The following NRG1 variants were observed in gnomAD, a reference collection of about 807,000 sequenced individuals.
NRG1 encodes neuregulin 1, also known as pro-neuregulin-1, membrane-bound isoform.
Under a neutral mutation model 63.8 loss-of-function variants are expected in NRG1, and 18 were observed. The ratio of observed to expected loss-of-function variants is 0.28; its 90% confidence interval spans 0.19 to 0.42. NRG1 has a LOEUF of 0.42. Ranked by LOEUF, NRG1 falls within the 10% of genes least tolerant of loss-of-function variation. NRG1 has a pLI of 1.00. For missense variants in NRG1, 762 were observed against 814.7 expected (o/e 0.94, Z 0.79); for synonymous variants, 302 against 301.3 (o/e 1.00, Z -0.02).
At chr8:31,949,249 T>C (rs1198220526) in intron 1 of NRG1, among the ~76,000 whole-genome samples, 1 of 152,190 alleles carries the variant, frequency 6.6e-6, no homozygotes, top group Non-Finnish European at 1.5e-5. Context: ...AAACTGTGAC[T>C]TAGATGCATT....
At chr8:32,725,140 G>T (rs981111496) in intron 5 of NRG1, among the ~76,000 whole-genome samples, 1 of 151,984 alleles carries the variant, frequency 6.6e-6, no homozygotes, top group Non-Finnish European at 1.5e-5. Flanking sequence ...GTCTACATTT[G>T]GGGGGGAGTT....
chr8:32,281,184 C>CTTTTTTTTTTTGTTTTT (rs534126563), intron 1 of NRG1, among the ~76,000 whole-genome samples: 1 of 94,324 alleles, frequency 1.1e-5, no homozygotes, highest in Admixed American at 1.3e-4. Flanking sequence ...GTAGTTTTTC[C>CTTTTTTTTTTTGTTTTT]TTTTTTTTTT....
chr8:32,338,547 A>C (rs1273068354), intron 1 of NRG1, among the ~76,000 whole-genome samples: 5 of 152,148 alleles, frequency 3.3e-5, no homozygotes, highest in African/African-American at 1.2e-4. Context: ...AGTGAGTCTC[A>C]GTGGGTTGTT....
intron 1 of NRG1, among the ~76,000 whole-genome samples, chr8:31,884,455 G>A (rs1018566026): frequency 3.3e-5 from 5 of 152,024 alleles, no homozygotes; most frequent in Admixed American, 6.6e-5. Flanking sequence ...TCAGAGTAAT[G>A]GCTCCTCCTA....
intron 1 of NRG1, among the ~76,000 whole-genome samples, chr8:31,753,918 T>C (rs561382396): frequency 1.2e-4 from 18 of 152,212 alleles, no homozygotes; most frequent in South Asian, 2.1e-4. Flanking sequence ...GTGTGGAGGA[T>C]TGGAAAGCAC....
chr8:32,525,685 T>C (rs1830764493), intron 1 of NRG1, among the ~76,000 whole-genome samples: 1 of 152,136 alleles, frequency 6.6e-6, no homozygotes. Flanking sequence ...TGGATCTGTG[T>C]ATATACTTTA....
intron 1 of NRG1, among the ~76,000 whole-genome samples, chr8:31,684,898 T>G (rs930535530): frequency 5.3e-5 from 8 of 152,252 alleles, no homozygotes; most frequent in Middle Eastern, 3.4e-3. Flanking sequence ...TGGAATCAAT[T>G]TGAACTTGAT....
chr8:32,624,760 T>G (rs1044248955), intron 5 of NRG1, among the ~76,000 whole-genome samples: 1 of 152,202 alleles, frequency 6.6e-6, no homozygotes, highest in Non-Finnish European at 1.5e-5. Flanking sequence ...GTTACAGTTT[T>G]GAAATTAGAA....
At chr8:32,348,416 C>T (rs974396152) in intron 1 of NRG1, among the ~76,000 whole-genome samples, 1 of 152,154 alleles carries the variant, frequency 6.6e-6, no homozygotes, top group Non-Finnish European at 1.5e-5. Context: ...GATGTTTCTA[C>T]AAACATTTAA....
At chr8:31,653,048 C>T (rs1034496965) in intron 1 of NRG1, among the ~76,000 whole-genome samples, 3 of 132,982 alleles carry the variant, frequency 2.3e-5, no homozygotes, top group African/African-American at 8.3e-5. Context: ...CCCTCCTCTC[C>T]TCTCCTCTTG....
intron 1 of NRG1, among the ~76,000 whole-genome samples, chr8:32,476,917 T>G (rs1278978972): frequency 6.6e-6 from 1 of 152,190 alleles, no homozygotes; most frequent in Non-Finnish European, 1.5e-5. Flanking sequence ...CTATCTTTTG[T>G]TATTTGGGAA....
At chr8:32,620,479 C>T (rs890738151) in intron 5 of NRG1, among the ~76,000 whole-genome samples, 5 of 148,912 alleles carry the variant, frequency 3.4e-5, no homozygotes, top group African/African-American at 9.9e-5. Context: ...TCACAGCCCC[C>T]AAAGTTCCCT....
chr8:31,934,430 T>TC (rs1835128971), intron 1 of NRG1, among the ~76,000 whole-genome samples: 2 of 146,946 alleles, frequency 1.4e-5, no homozygotes, highest in South Asian at 4.4e-4. Context: ...CTTTTTTTTT[T>TC]TTTTTTTTTT....
rs534490868 is a variant in NRG1, at chr8:31,761,923, A to C, written c.37+122492A>C. ...TACAGTATCTTTCAAGTACAATAAAATGAGGTAGCTTCTATGTCCTTGTAT... is the reference window on the plus strand; with the variant it reads ...TACAGTATCTTTCAAGTACAATAAACTGAGGTAGCTTCTATGTCCTTGTAT... On this transcript the variant is annotated intron_variant, in intron 1 of 10. Coordinates refer to the NRG1 transcript ENST00000519301. Among the ~76,000 whole-genome samples the C allele has an allele frequency of 6.6e-5, 10 of 152,280 alleles. No individual in the cohort carries two copies. In the South Asian group the frequency reaches 1.9e-3, roughly 28 times the overall value.
At chr8:32,092,521 C>T (rs538761826) in intron 1 of NRG1, among the ~76,000 whole-genome samples, 1 of 150,264 alleles carries the variant, frequency 6.7e-6, no homozygotes, top group Non-Finnish European at 1.5e-5. Flanking sequence ...TGATAGGAAG[C>T]TTAGTGAAGA....
At chr8:32,180,188 T>C (rs530673197) in intron 1 of NRG1, among the ~76,000 whole-genome samples, 1 of 152,312 alleles carries the variant, frequency 6.6e-6, no homozygotes, top group African/African-American at 2.4e-5. Flanking sequence ...TTTCTGCAAT[T>C]CTCCCTAAAA....
At chr8:32,144,730 G>C (rs931057191) in intron 1 of NRG1, among the ~76,000 whole-genome samples, 1 of 151,982 alleles carries the variant, frequency 6.6e-6, no homozygotes, top group Admixed American at 6.6e-5. Context: ...GGAGATGCTC[G>C]CTTAAACAAG....
At chr8:31,647,265 A>G (rs988571072) in intron 1 of NRG1, among the ~76,000 whole-genome samples, 1 of 152,246 alleles carries the variant, frequency 6.6e-6, no homozygotes, top group African/African-American at 2.4e-5. Flanking sequence ...AAGAAGTAAT[A>G]CAAAGAGGTT....
intron 1 of NRG1, among the ~76,000 whole-genome samples, chr8:32,400,259 G>T (rs1189167958): frequency 6.6e-6 from 1 of 152,142 alleles, no homozygotes. Context: ...CAATGTGGGT[G>T]AATCACTTGA....
Sources: gnomAD v4.1 joint callset for allele counts (sites outside exome capture counted in the v4.1 genomes callset) on GRCh38, gnomAD v4.1.1 for gene constraint, MANE v1.5 for transcripts, NCBI Gene and HGNC (gene_info 2026-07-23, HGNC 2026-07-21) for gene names.